XIRP2: variants seen among roughly 807,000 people sequenced by gnomAD.
The protein encoded by XIRP2 is xin actin binding repeat containing 2, also known as xin actin-binding repeat-containing protein 2.
XIRP2 carries 236 observed loss-of-function variants against 277.0 expected under a neutral mutation model. The observed-to-expected ratio is 0.85, with a 90% CI of 0.77 to 0.95. The LOEUF is 0.95. XIRP2 is among the 40% of genes least tolerant of loss of function. The pLI, the probability that XIRP2 is intolerant of heterozygous loss-of-function variation, is 0.00. For synonymous variants in XIRP2, 1,490 were observed against 1,416.5 expected, an observed-to-expected ratio of 1.05 and a Z score of -1.17; for missense variants, 4,640 against 4,157.5, an observed-to-expected ratio of 1.12 and a Z score of -3.19.
intron 2 of XIRP2, among the ~76,000 whole-genome samples, chr2:166,987,718 T>C (rs992300239): frequency 3.3e-5 from 5 of 152,286 alleles, no homozygotes; most frequent in African/African-American, 1.2e-4. Context: ...ATGTGCCAGA[T>C]GGTTTGGAAG....
chr2:166,978,090 T>TGGAG (rs1686763302), intron 2 of XIRP2, among the ~76,000 whole-genome samples: 1 of 152,218 alleles, frequency 6.6e-6, no homozygotes, highest in South Asian at 2.1e-4. Context: ...CATTTCTTTC[T>TGGAG]ATACAGATTT....
chr2:167,182,167 A>G (rs2105358057), intron 3 of XIRP2, among the ~76,000 whole-genome samples: 1 of 152,350 alleles, frequency 6.6e-6, no homozygotes, highest in East Asian at 1.9e-4. Context: ...TACCCTAATT[A>G]TGCTTACATG....
chr2:167,230,581 T>A (rs1176855827), intron 5 of XIRP2, among the ~76,000 whole-genome samples: 1 of 152,074 alleles, frequency 6.6e-6, no homozygotes, highest in East Asian at 1.9e-4. Context: ...ATTCAAAATA[T>A]CTTGTTGATG....
chr2:167,131,016 C>G (rs185048936), intron 2 of XIRP2, among the ~76,000 whole-genome samples: 2 of 152,220 alleles, frequency 1.3e-5, no homozygotes, highest in Non-Finnish European at 2.9e-5. Context: ...TCCATTCCCC[C>G]CATCAATTAA....
intron 5 of XIRP2, among the ~76,000 whole-genome samples, chr2:167,220,957 G>C (rs1694407610): frequency 1.3e-5 from 2 of 152,240 alleles, no homozygotes; most frequent in South Asian, 4.1e-4. Context: ...CTGAATATTT[G>C]CATGAATCTG....
chr2:166,907,095 T>C (rs886682991), intron 2 of XIRP2, among the ~76,000 whole-genome samples: 1 of 152,108 alleles, frequency 6.6e-6, no homozygotes, highest in African/African-American at 2.4e-5. Flanking sequence ...TTTTCCAAAA[T>C]GAACACAACC....
chr2:167,063,438 C>G (rs1380760406), intron 2 of XIRP2, among the ~76,000 whole-genome samples: 1 of 152,020 alleles, frequency 6.6e-6, no homozygotes, highest in South Asian at 2.1e-4. Context: ...ATATTATTAT[C>G]CAAGTCCTTT....
In XIRP2 at chr2:167,246,380, T is replaced by C. The variant is rs7591107; in HGVS notation, c.4988T>C (p.Ile1663Thr). ...GTGAAAGGTGATGTACAACAAGCAATAAAAAACCTGTTCTCTGAGGAAAGA... is the reference window on the plus strand; with the variant it reads ...GTGAAAGGTGATGTACAACAAGCAACAAAAAACCTGTTCTCTGAGGAAAGA... ...EIVKGDVQQAIKNLFSEERSV... is the reference protein window; with the variant it reads ...EIVKGDVQQATKNLFSEERSV... The change falls in exon 9 of 11, where the codon ATA (isoleucine) becomes ACA (threonine). Residue 1663 changes from isoleucine to threonine, a missense_variant. Ile to Thr is a moderately conservative substitution (Grantham distance 89, BLOSUM62 -1). Transcript: ENST00000409195. 3,465 of 1,613,246 alleles carry C rather than the reference T, an allele frequency of 2.1e-3. 82 individuals are homozygous for C. The African/African-American group carries it at 0.041, about 19-fold the overall frequency.
chr2:166,930,262 C>A (rs141944024), intron 2 of XIRP2, among the ~76,000 whole-genome samples: 14 of 152,196 alleles, frequency 9.2e-5, no homozygotes, highest in African/African-American at 3.4e-4. Flanking sequence ...GTGATCTGGC[C>A]ACAACATCAA....
intron 3 of XIRP2, among the ~76,000 whole-genome samples, chr2:167,149,708 G>A (rs1691959909): frequency 6.6e-6 from 1 of 151,666 alleles, no homozygotes; most frequent in South Asian, 2.1e-4. Context: ...TATGACTTCA[G>A]AATAAGAAAG....
At chr2:167,186,687 CT>C (rs1365388940) in intron 3 of XIRP2, among the ~76,000 whole-genome samples, 4 of 152,134 alleles carry the variant, frequency 2.6e-5, no homozygotes, top group Non-Finnish European at 4.4e-5. Flanking sequence ...GAGGTGACTC[CT>C]TTTCCCTGCT....
intron 2 of XIRP2, among the ~76,000 whole-genome samples, chr2:167,023,388 T>G (rs552178067): frequency 7.5e-4 from 114 of 152,148 alleles, no homozygotes; most frequent in African/African-American, 2.7e-3. Context: ...GCAAAAATTT[T>G]CTCCCATTTT....
intron 2 of XIRP2, among the ~76,000 whole-genome samples, chr2:167,125,040 T>C (rs1236176438): frequency 1.3e-5 from 2 of 152,172 alleles, no homozygotes; most frequent in Non-Finnish European, 2.9e-5. Context: ...TACTTCTCAA[T>C]ACTTCATCAA....
chr2:167,214,373 A>G (rs1355458086), intron 4 of XIRP2, among the ~76,000 whole-genome samples: 1 of 148,476 alleles, frequency 6.7e-6, no homozygotes, highest in East Asian at 2.2e-4. Flanking sequence ...GCTACTCAGG[A>G]GGCTCAGACG....
At chr2:166,954,448 G>A (rs1404492210) in intron 2 of XIRP2, among the ~76,000 whole-genome samples, 1 of 151,820 alleles carries the variant, frequency 6.6e-6, no homozygotes, top group Non-Finnish European at 1.5e-5. Flanking sequence ...GGAGGAATAG[G>A]AACGCTTTTA....
intron 2 of XIRP2, among the ~76,000 whole-genome samples, chr2:167,020,304 T>C (rs1309359733): frequency 6.6e-6 from 1 of 152,036 alleles, no homozygotes. Flanking sequence ...ACAAATAATA[T>C]GTTTATATAC....
intron 3 of XIRP2, among the ~76,000 whole-genome samples, chr2:167,150,232 G>A (rs550154218): frequency 3.3e-5 from 5 of 151,948 alleles, no homozygotes; most frequent in South Asian, 4.2e-4. Flanking sequence ...CCATCAGAAT[G>A]GCCAAAAAAT....
chr2:167,250,346 G>C lies in XIRP2; in HGVS notation c.8954G>C (p.Gly2985Ala), dbSNP rs892476743. 14 of 1,613,432 alleles carry C rather than the reference G, an allele frequency of 8.7e-6. No homozygotes were observed. In the Admixed American group the frequency reaches 1.2e-4, roughly 13 times the overall value. ...TFQTLLNTIP[G>A]WLISEDKREY... The stretch of plus-strand genomic sequence containing the variant: ...CAGACACTATTAAATACTATCCCAG[G>C]ATGGCTGATAAGTGAAGATAAGAGA... Residue 2985 changes from glycine (G) to alanine (A), a missense_variant, in exon 9 of 11, where the codon GGA becomes GCA. Physicochemically the swap from Gly to Ala is moderately conservative, Grantham distance 60. Transcript: ENST00000409195.
chr2:167,000,673 C>T (rs77917208), intron 2 of XIRP2, among the ~76,000 whole-genome samples: 20,157 of 151,950 alleles, frequency 0.13, 1,823 homozygotes, highest in East Asian at 0.46. Context: ...TTCCTGCATC[C>T]ACTCCTTGTT....
Sources: allele counts gnomAD v4.1 joint callset (sites outside exome capture counted in the v4.1 genomes callset), GRCh38; gene constraint gnomAD v4.1.1; transcripts MANE v1.5; gene names NCBI Gene and HGNC (gene_info 2026-07-23, HGNC 2026-07-21).